FGFR2: variants seen among roughly 807,000 people sequenced by gnomAD.
FGFR2 encodes the protein BEK fibroblast growth factor receptor.
In FGFR2, 19 loss-of-function variants were observed where a neutral mutation model predicts 95.9. The observed-to-expected ratio is 0.20, with a 90% CI of 0.14 to 0.29. The LOEUF (loss-of-function observed/expected upper bound fraction) is 0.29. Among genes scored for constraint, FGFR2 ranks in the 10% least tolerant of loss-of-function variants. FGFR2 has a pLI of 1.00. For synonymous variants in FGFR2, 392 were observed against 393.3 expected, an observed-to-expected ratio of 1.00 and a Z score of 0.04; for missense variants, 707 against 1,056.9, an observed-to-expected ratio of 0.67 and a Z score of 4.59.
intron 4 of FGFR2, among the ~76,000 whole-genome samples, chr10:121,557,357 G>C (rs1856299525): frequency 6.6e-6 from 1 of 152,188 alleles, no homozygotes; most frequent in Admixed American, 6.5e-5. Context: ...TGCCCAGGCT[G>C]CACTGCAGTG....
chr10:121,483,752 C>T lies in FGFR2; in HGVS notation c.2247G>A (p.Thr749=), dbSNP rs1246437941. Reference sequence around the variant, plus strand: ...CCAAGTCTTCTACCAACTGCTTGAACGTTGGTCTCTGGGAGGGCACTGCAT... The same window carrying T: ...CCAAGTCTTCTACCAACTGCTTGAATGTTGGTCTCTGGGAGGGCACTGCAT... ...CWHAVPSQRP[T]FKQLVEDLDR... is the part of the protein sequence containing the mutation. Residue 749 remains threonine (T), a synonymous_variant, in exon 17 of 18, where the codon ACG becomes ACA. Coordinates refer to ENST00000358487, the MANE Select transcript of FGFR2 (RefSeq NM_000141.5). 1.2e-5 allele frequency: 20 copies of T among 1,613,938 alleles called. No individual in the cohort carries two copies. The highest frequency in any genetic ancestry group is 2.7e-5 in the African/African-American group (2 of 74,906).
At chr10:121,504,069 A>G in intron 9 of FGFR2, 128 bp from the exon 10 acceptor site, 1 of 1,085,804 alleles carries the variant, frequency 9.2e-7, no homozygotes, top group South Asian at 1.3e-5. Context: ...GAAGTCAGAA[A>G]CCAAATTAGA....
chr10:121,571,950 A>ATAT (rs1858840801), intron 2 of FGFR2, among the ~76,000 whole-genome samples: 1 of 142,406 alleles, frequency 7.0e-6, no homozygotes, highest in African/African-American at 2.6e-5. Flanking sequence ...TCTCAAAAAA[A>ATAT]AAATAAAAAA....
intron 6 of FGFR2, among the ~76,000 whole-genome samples, chr10:121,524,146 A>ACACACCCCCCC (rs142755962): frequency 7.6e-4 from 104 of 136,870 alleles, no homozygotes; most frequent in Non-Finnish European, 1.4e-3. Flanking sequence ...ACACACACAC[A>ACACACCCCCCC]CCCCAAGTTT....
At chr10:121,494,130 C>G (rs1238717490) in intron 13 of FGFR2, among the ~76,000 whole-genome samples, 1 of 152,114 alleles carries the variant, frequency 6.6e-6, no homozygotes, top group Non-Finnish European at 1.5e-5. Context: ...GAAGCACTAA[C>G]TGATCCTCTT....
In FGFR2 at chr10:121,493,869, C is replaced by G. The variant is rs376220407; in HGVS notation, c.1863+2663G>C. Among the ~76,000 whole-genome samples, 772 of 152,238 alleles carry G rather than the reference C, an allele frequency of 5.1e-3. 3 individuals are homozygous for G. The highest frequency in any genetic ancestry group is 8.9e-3 in the Non-Finnish European group (603 of 68,022). Reference sequence around the variant, plus strand: ...GCCCCAGCCCTGATTCCCAAGTCCTCCCAGACTTGGAAGCTGCACCACCAT... The same window carrying G: ...GCCCCAGCCCTGATTCCCAAGTCCTGCCAGACTTGGAAGCTGCACCACCAT... On this transcript the variant is annotated intron_variant, in intron 13 of 17. Coordinates refer to ENST00000358487, the MANE Select transcript of FGFR2 (RefSeq NM_000141.5).
At chr10:121,502,333 C>A (rs2134030973) in intron 10 of FGFR2, among the ~76,000 whole-genome samples, 1 of 152,318 alleles carries the variant, frequency 6.6e-6, no homozygotes, top group African/African-American at 2.4e-5. Flanking sequence ...TGGTGCCCCA[C>A]CAGTAAATGT....
intron 16 of FGFR2, among the ~76,000 whole-genome samples, chr10:121,484,577 C>T (rs145544937): frequency 4.2e-4 from 64 of 152,256 alleles, no homozygotes; most frequent in African/African-American, 1.5e-3. Context: ...CACAATAGAC[C>T]GCAGTTTCTG....
In FGFR2 at chr10:121,479,428, TATATA is replaced by T. The variant is rs1185050928; in HGVS notation, c.*424_*428del. ...AATACAAAAAATAACTCCTTGTAAATATATAATATATATTTATACATAATTTGAAT... is the reference window on the plus strand; with the variant it reads ...AATACAAAAAATAACTCCTTGTAAATATATATATTTATACATAATTTGAAT... On this transcript the variant is annotated 3_prime_UTR_variant, in exon 18 of 18. Coordinates refer to ENST00000358487, the MANE Select transcript of FGFR2 (RefSeq NM_000141.5). 2 of 374,134 alleles carry T rather than the reference TATATA, an allele frequency of 5.3e-6. No homozygotes were observed. The highest frequency in any genetic ancestry group is 9.3e-6 in the Non-Finnish European group (2 of 215,408). The allele number at this position is 374,134 out of a possible 1,614,324, so 23.2% of individuals were successfully genotyped here. A position where few individuals can be genotyped will look rare whatever the true frequency, so the allele number is the denominator to read the frequency against.
intron 2 of FGFR2, among the ~76,000 whole-genome samples, chr10:121,591,421 C>G (rs954607073): frequency 6.6e-6 from 1 of 152,276 alleles, no homozygotes; most frequent in Non-Finnish European, 1.5e-5. Flanking sequence ...CCGGTGCTTA[C>G]TGGATGCCAG....
chr10:121,517,223 T>C lies in FGFR2; in HGVS notation c.1084+96A>G. On this transcript the variant is annotated intron_variant, in intron 8 of 17. Transcript: ENST00000358487. The surrounding 1 kb of genome is among the most constrained non-coding windows in gnomAD (Gnocchi z 4.7). ...CATTTTTTATATCTTTATGCAAGGA[T>C]AAAAGGGGCCATTTCTGATAACAGA... 2.2e-6 allele frequency: 3 copies of C among 1,353,460 alleles called. No individual in the cohort carries two copies. Among genetic ancestry groups the C allele is most frequent in the Non-Finnish European group, 3.2e-6 (3 of 945,570 alleles). The allele number at this position is 1,353,460 out of a possible 1,614,324, so 83.8% of individuals were successfully genotyped here.
chr10:121,559,584 A>G (rs899560977), intron 4 of FGFR2, among the ~76,000 whole-genome samples: 1 of 152,244 alleles, frequency 6.6e-6, no homozygotes, highest in East Asian at 1.9e-4. Flanking sequence ...TTTCACAGAC[A>G]CCAAACAGAG....
At chr10:121,507,026 G>A (rs1163970918) in intron 9 of FGFR2, among the ~76,000 whole-genome samples, 5 of 152,210 alleles carry the variant, frequency 3.3e-5, no homozygotes, top group Non-Finnish European at 5.9e-5. Flanking sequence ...CACTGCTTTC[G>A]GCCCTTCCTT....
At chr10:121,522,121 C>T (rs1379411555) in intron 6 of FGFR2, among the ~76,000 whole-genome samples, 1 of 152,094 alleles carries the variant, frequency 6.6e-6, no homozygotes, top group African/African-American at 2.4e-5. Flanking sequence ...CGGTGGTTGC[C>T]AGGGGCTGGG....
chr10:121,491,161 G>A (rs1214213006), intron 13 of FGFR2, among the ~76,000 whole-genome samples: 3 of 152,302 alleles, frequency 2.0e-5, no homozygotes, highest in East Asian at 3.9e-4. Context: ...AGACACTGCT[G>A]ACGGCTCCCT....
chr10:121,572,756 A>T (rs1859016653), intron 2 of FGFR2, among the ~76,000 whole-genome samples: 1 of 152,144 alleles, frequency 6.6e-6, no homozygotes, highest in Non-Finnish European at 1.5e-5. Context: ...AGCTCATAGG[A>T]CCTCTGACTG....
At chr10:121,538,160 C>T (rs1853133537) in intron 6 of FGFR2, 1 of 591,748 alleles carries the variant, frequency 1.7e-6, no homozygotes, top group Non-Finnish European at 3.0e-6. Context: ...CAGCCAGCCA[C>T]AGGCTCAGTC....
At chr10:121,509,449 G>C (rs908722428) in intron 9 of FGFR2, among the ~76,000 whole-genome samples, 1 of 146,656 alleles carries the variant, frequency 6.8e-6, no homozygotes, top group African/African-American at 2.5e-5. Context: ...CTTTTTAAAG[G>C]GCCACCAAGA....
At chr10:121,493,383 T>C (rs1713211401) in intron 13 of FGFR2, among the ~76,000 whole-genome samples, 1 of 152,324 alleles carries the variant, frequency 6.6e-6, no homozygotes, top group Admixed American at 6.5e-5. Flanking sequence ...GAAGGAGCTC[T>C]GGGTCCTCAG....
Sources: gnomAD v4.1 joint callset for allele counts (sites outside exome capture counted in the v4.1 genomes callset) on GRCh38, gnomAD v4.1.1 for gene constraint, Gnocchi (gnomAD v3.1) non-coding constraint, MANE v1.5 for transcripts, NCBI Gene and HGNC (gene_info 2026-07-23, HGNC 2026-07-21) for gene names.